Variants in AGBL3 observed in about 807,000 individuals in gnomAD.
AGBL3 encodes the protein AGBL carboxypeptidase 3.
AGBL3 carries 68 observed loss-of-function variants against 94.5 expected under a neutral mutation model. The observed-to-expected ratio is 0.72, with a 90% CI of 0.59 to 0.88. AGBL3 has a LOEUF of 0.88. AGBL3 is among the 40% of genes least tolerant of loss of function. The pLI, the probability that AGBL3 is intolerant of heterozygous loss-of-function variation, is 0.00. For synonymous variants in AGBL3, 354 were observed against 370.7 expected (o/e 0.95, Z 0.52); for missense variants, 934 against 1,103.8 (o/e 0.85, Z 2.18).
rs13308084 is a variant in AGBL3, at chr7:135,021,063, A to G, written c.418+3904A>G. On this transcript the variant is annotated intron_variant, in intron 5 of 16. Coordinates refer to ENST00000436302, the MANE Select transcript of AGBL3 (RefSeq NM_178563.4). ...CCTAGAACTTAAATAATAAAAAAAA[A>G]AAAAGACTATCCTATGACCTATTGA... Among the ~76,000 whole-genome samples the G allele has an allele frequency of 3.2e-3, 483 of 150,848 alleles. 2 individuals carry two copies. Among genetic ancestry groups the G allele is most frequent in the African/African-American group, 0.011 (452 of 41,176 alleles).
intron 4 of AGBL3, among the ~76,000 whole-genome samples, chr7:134,998,032 C>A (rs1338027426): frequency 2.0e-5 from 3 of 152,144 alleles, no homozygotes; most frequent in African/African-American, 7.2e-5. Context: ...ACCAAGGAGG[C>A]CGTGATTCAA....
chr7:135,023,916 T>G (rs1352991794), intron 5 of AGBL3, among the ~76,000 whole-genome samples: 1 of 152,220 alleles, frequency 6.6e-6, no homozygotes, highest in Non-Finnish European at 1.5e-5. Context: ...CACCCAGTGC[T>G]CAACCCCAAG....
At chr7:135,121,950 T>A (rs1474966096) in intron 16 of AGBL3, among the ~76,000 whole-genome samples, 4 of 152,188 alleles carry the variant, frequency 2.6e-5, no homozygotes, top group African/African-American at 9.7e-5. Context: ...GGGCCTAGCG[T>A]CCCAACCCCA....
At chr7:135,045,126 C>G (rs1337101984) in intron 9 of AGBL3, among the ~76,000 whole-genome samples, 1 of 151,980 alleles carries the variant, frequency 6.6e-6, no homozygotes, top group African/African-American at 2.4e-5. Context: ...ACTGATATAA[C>G]ATTTGTGATG....
chr7:135,080,165 A>G, intron 13 of AGBL3, 38 bp from the exon 14 acceptor site: 1 of 1,437,528 alleles, frequency 7.0e-7, no homozygotes, highest in Non-Finnish European at 9.6e-7. Flanking sequence ...TCATGTTGAT[A>G]AAATAGCATT....
At chr7:135,112,581 TCTATAAGTATGG>T (rs1825794155) in intron 15 of AGBL3, among the ~76,000 whole-genome samples, 1 of 152,176 alleles carries the variant, frequency 6.6e-6, no homozygotes, top group African/African-American at 2.4e-5. Flanking sequence ...TTTGCCCCCA[TCTATAAGTATGG>T]CTATAAGTAT....
At chr7:135,050,963 TAC>T in intron 11 of AGBL3, 1 of 403,996 alleles carries the variant, frequency 2.5e-6, no homozygotes, top group Non-Finnish European at 4.8e-6. Flanking sequence ...CTATTAGTCT[TAC>T]AGTTTTTTTC....
chr7:134,990,490 C>T (rs987159745), intron 3 of AGBL3, among the ~76,000 whole-genome samples: 3 of 152,154 alleles, frequency 2.0e-5, no homozygotes, highest in African/African-American at 7.2e-5. Flanking sequence ...CTCCATTTAG[C>T]CATCCATTCA....
intron 15 of AGBL3, among the ~76,000 whole-genome samples, chr7:135,091,903 G>A (rs145579073): frequency 5.4e-4 from 82 of 152,280 alleles, no homozygotes; most frequent in Middle Eastern, 3.4e-3. Context: ...TCACAGTTAC[G>A]CACAAGTTGG....
At chr7:135,007,474 A>G (rs1478073313) in intron 4 of AGBL3, among the ~76,000 whole-genome samples, 1 of 151,972 alleles carries the variant, frequency 6.6e-6, no homozygotes, top group African/African-American at 2.4e-5. Flanking sequence ...TTTTTAAGAA[A>G]TCCTACACCC....
chr7:135,029,085 G>C (rs545053908), intron 5 of AGBL3, among the ~76,000 whole-genome samples: 1 of 152,308 alleles, frequency 6.6e-6, no homozygotes, highest in South Asian at 2.1e-4. Context: ...TTTGTTTATA[G>C]AGCACAGGCA....
intron 11 of AGBL3, among the ~76,000 whole-genome samples, chr7:135,052,392 A>C (rs1354172071): frequency 6.6e-6 from 1 of 152,180 alleles, no homozygotes; most frequent in Non-Finnish European, 1.5e-5. Flanking sequence ...TACTGATGGA[A>C]CATTTGAAAA....
intron 16 of AGBL3, among the ~76,000 whole-genome samples, chr7:135,124,167 C>T (rs1265524644): frequency 6.7e-6 from 1 of 149,794 alleles, no homozygotes; most frequent in Non-Finnish European, 1.5e-5. Context: ...TGCAAAGACA[C>T]ACATAGGCTC....
intron 4 of AGBL3, among the ~76,000 whole-genome samples, chr7:135,005,932 C>T (rs938020172): frequency 4.6e-5 from 7 of 151,738 alleles, no homozygotes; most frequent in African/African-American, 9.7e-5. Flanking sequence ...AGTCTAACAC[C>T]TTATACAAGA....
Position 135,075,178 on chromosome 7 carries a change from G to A in AGBL3, c.1909-1219G>A, listed in dbSNP as rs113313363. 1.6e-4 allele frequency among the ~76,000 whole-genome samples: 25 copies of A among 152,168 alleles called. 2 individuals are homozygous for A. The South Asian group carries it at 3.7e-3, about 23-fold the overall frequency. On this transcript the variant is annotated intron_variant, in intron 12 of 16. Transcript: ENST00000436302. ...ATGCTGACCATTTCCATGATCATAA[G>A]GATCCCTCATATTGCCCTCTTAAAG...
chr7:135,111,835 C>A (rs1825684654), intron 15 of AGBL3, among the ~76,000 whole-genome samples: 2 of 152,232 alleles, frequency 1.3e-5, no homozygotes, highest in South Asian at 4.1e-4. Flanking sequence ...TCTCTACCTG[C>A]AGCTTCAACC....
At chr7:135,052,001 A>ATT (rs11463450) in intron 11 of AGBL3, among the ~76,000 whole-genome samples, 3 of 152,090 alleles carry the variant, frequency 2.0e-5, no homozygotes, top group Non-Finnish European at 4.4e-5. Context: ...ACTTCCATTA[A>ATT]TTTTTTGTTT....
At chr7:135,016,073 T>C (rs1584840498) in intron 4 of AGBL3, among the ~76,000 whole-genome samples, 1 of 151,436 alleles carries the variant, frequency 6.6e-6, no homozygotes, top group South Asian at 2.1e-4. Flanking sequence ...AAAATCAGCA[T>C]ACACCAAGGC....
intron 13 of AGBL3, among the ~76,000 whole-genome samples, chr7:135,078,292 C>A (rs1820641053): frequency 6.6e-6 from 1 of 152,152 alleles, no homozygotes; most frequent in Non-Finnish European, 1.5e-5. Flanking sequence ...CCCTGAGGAC[C>A]AACATCAGAG....
Sources: gnomAD v4.1 joint callset for allele counts (sites outside exome capture counted in the v4.1 genomes callset) on GRCh38, gnomAD v4.1.1 for gene constraint, MANE v1.5 for transcripts, NCBI Gene and HGNC (gene_info 2026-07-23, HGNC 2026-07-21) for gene names.